The following DLGAP1 variants were observed in gnomAD, a reference collection of about 807,000 sequenced individuals.
DLGAP1 encodes the protein DLG associated protein 1.
A neutral mutation model predicts 90.8 loss-of-function variants in DLGAP1; 11 were observed. The ratio of observed to expected loss-of-function variants is 0.12; its 90% CI spans 0.08 to 0.20. DLGAP1 has a LOEUF of 0.20. DLGAP1 is among the 10% of genes least tolerant of loss of function. DLGAP1 has a pLI of 1.00. For missense variants in DLGAP1, 1,050 were observed against 1,333.8 expected (o/e 0.79, Z 3.31); for synonymous variants, 558 against 540.7 (o/e 1.03, Z -0.44).
rs186297167 is a variant in DLGAP1, at chr18:3,678,939, A to G, written c.1591+50196T>C. ...ATTCTTAGCTCACAGAGGATAGTGA[A>G]TGAAGAGGAACAGCTATAACTATCA... On this transcript the variant is annotated intron_variant, in intron 7 of 12. Coordinates refer to ENST00000315677, the MANE Select transcript of DLGAP1 (RefSeq NM_004746.4). 3.9e-5 allele frequency among the ~76,000 whole-genome samples: 6 copies of G among 152,362 alleles called. No individual in the cohort carries two copies. In the East Asian group the frequency reaches 9.6e-4, roughly 24 times the overall value.
At chr18:4,346,900 T>C (rs755810465) in intron 1 of DLGAP1, among the ~76,000 whole-genome samples, 1 of 152,172 alleles carries the variant, frequency 6.6e-6, no homozygotes, top group African/African-American at 2.4e-5. Context: ...ACAGTAACTC[T>C]ATAAATAAAT....
intron 1 of DLGAP1, among the ~76,000 whole-genome samples, chr18:4,282,282 T>A (rs941381677): frequency 2.0e-5 from 3 of 150,122 alleles, no homozygotes; most frequent in African/African-American, 7.4e-5. Flanking sequence ...GAGAATGGCA[T>A]GAACCTGGGA....
At chr18:3,849,025 G>A (rs917610725) in intron 4 of DLGAP1, among the ~76,000 whole-genome samples, 13 of 152,286 alleles carry the variant, frequency 8.5e-5, no homozygotes, top group African/African-American at 3.1e-4. Context: ...TGGTGATCCA[G>A]CCGTGCTGGA....
rs796066148 is a variant in DLGAP1 at position 3,602,578 on chromosome 18, G to C, written c.1592-20330C>G. Among the ~76,000 whole-genome samples, 11 of 122,494 alleles carry C rather than the reference G, an allele frequency of 9.0e-5. 1 individual carries two copies. In the South Asian group the frequency reaches 3.0e-3, roughly 33 times the overall value. The allele number at this position is 122,494 out of a possible 152,430, so 80.4% of individuals were successfully genotyped here. A position where few individuals can be genotyped will look rare whatever the true frequency, so the allele number is the denominator to read the frequency against. The stretch of plus-strand genomic sequence containing the variant: ...CCACCGCACTCCAGCCTGGGCGACA[G>C]AGCGAGACTCCGTCCAAAAAAAAAA... On this transcript the variant is annotated intron_variant, in intron 7 of 12. Transcript: ENST00000315677.
chr18:4,218,988 C>A (rs952130685), intron 1 of DLGAP1, among the ~76,000 whole-genome samples: 1 of 147,764 alleles, frequency 6.8e-6, no homozygotes, highest in African/African-American at 2.5e-5. Context: ...TAGATATATA[C>A]CAAGTGGAAT....
intron 9 of DLGAP1, among the ~76,000 whole-genome samples, chr18:3,547,087 G>A (rs1040219357): frequency 6.6e-6 from 1 of 152,036 alleles, no homozygotes; most frequent in African/African-American, 2.4e-5. Context: ...GGATCACGAG[G>A]TCAGGAGATC....
chr18:4,068,522 T>C (rs1203121397), intron 2 of DLGAP1, among the ~76,000 whole-genome samples: 1 of 152,128 alleles, frequency 6.6e-6, no homozygotes, highest in East Asian at 1.9e-4. Flanking sequence ...CTGATTTAGA[T>C]GTTTAGATTA....
In DLGAP1 at chr18:3,860,101, A is replaced by AAAATAAATAAAT. The variant is rs61248778; in HGVS notation, c.957+18999_957+19010dup. On this transcript the variant is annotated intron_variant, in intron 4 of 12. Coordinates refer to ENST00000315677, the MANE Select transcript of DLGAP1 (RefSeq NM_004746.4). ...GCGACAGAGCGAGACTCTGTCTCAA[A>AAAATAAATAAAT]AAATAAATAAATAAATAAATTTGCA... is the stretch of plus-strand genomic sequence containing the variant. Among the ~76,000 whole-genome samples, 432 of 144,394 alleles carry AAAATAAATAAAT rather than the reference A, an allele frequency of 3.0e-3. 6 individuals are homozygous for AAAATAAATAAAT. The highest frequency in any genetic ancestry group is 5.1e-3 in the Non-Finnish European group (333 of 65,432). 94.7% of individuals were successfully genotyped at this position (144,394 alleles called of 152,430 possible). A position where few individuals can be genotyped will look rare whatever the true frequency, so the allele number is the denominator to read the frequency against.
chr18:4,421,786 G>A (rs1332956737), intron 1 of DLGAP1, among the ~76,000 whole-genome samples: 2 of 152,104 alleles, frequency 1.3e-5, no homozygotes, highest in African/African-American at 4.8e-5. Flanking sequence ...TTGGCTCACT[G>A]CAACCTCCGC....
intron 4 of DLGAP1, chr18:3,845,388 G>A (rs748186783): frequency 3.1e-5 from 45 of 1,435,584 alleles, no homozygotes; most frequent in Non-Finnish European, 4.1e-5. Flanking sequence ...CACAGGACTT[G>A]GGGGTGGGGG....
intron 2 of DLGAP1, among the ~76,000 whole-genome samples, chr18:4,047,326 A>G (rs1413727123): frequency 6.6e-6 from 1 of 152,250 alleles, no homozygotes; most frequent in African/African-American, 2.4e-5. Context: ...CTTATTATGC[A>G]AAACATATTT....
intron 1 of DLGAP1, among the ~76,000 whole-genome samples, chr18:4,165,521 CAAAAGA>C (rs1027676457): frequency 2.0e-5 from 3 of 151,860 alleles, no homozygotes; most frequent in Middle Eastern, 3.4e-3. Context: ...AATCTAGAAG[CAAAAGA>C]AAAACAGGAA....
intron 7 of DLGAP1, among the ~76,000 whole-genome samples, chr18:3,710,962 G>C (rs2061580800): frequency 6.6e-6 from 1 of 152,216 alleles, no homozygotes; most frequent in African/African-American, 2.4e-5. Context: ...AGGTGTTCCT[G>C]AGAAGGTGGC....
chr18:3,890,610 T>G (rs2071434873), intron 3 of DLGAP1, among the ~76,000 whole-genome samples: 1 of 152,246 alleles, frequency 6.6e-6, no homozygotes, highest in Admixed American at 6.5e-5. Context: ...CTACCCCCAG[T>G]CTTAAATTTT....
intron 4 of DLGAP1, among the ~76,000 whole-genome samples, chr18:3,848,643 T>C (rs1222458125): frequency 6.6e-6 from 1 of 152,152 alleles, no homozygotes; most frequent in Non-Finnish European, 1.5e-5. Context: ...ATGGAACAAC[T>C]GTCTTCTACG....
chr18:4,325,422 TG>T (rs1248790000), intron 1 of DLGAP1, among the ~76,000 whole-genome samples: 1 of 152,150 alleles, frequency 6.6e-6, no homozygotes, highest in Non-Finnish European at 1.5e-5. Context: ...ATCATCAAAA[TG>T]GCCATATGGC....
chr18:4,156,700 A>C (rs2076762177), intron 1 of DLGAP1, among the ~76,000 whole-genome samples: 1 of 152,212 alleles, frequency 6.6e-6, no homozygotes, highest in African/African-American at 2.4e-5. Flanking sequence ...AACTGAACAG[A>C]TATGAATCTA....
At chr18:3,765,261 G>T (rs2064177075) in intron 5 of DLGAP1, among the ~76,000 whole-genome samples, 2 of 150,672 alleles carry the variant, frequency 1.3e-5, no homozygotes, top group Admixed American at 1.3e-4. Flanking sequence ...CTCCCGAGTA[G>T]CTGGAACTAC....
At chr18:3,507,312 C>T (rs574181128) in intron 11 of DLGAP1, among the ~76,000 whole-genome samples, 1 of 118,578 alleles carries the variant, frequency 8.4e-6, no homozygotes, top group African/African-American at 2.8e-5. Flanking sequence ...CATGAAAACC[C>T]GTCTCTACTA....
Sources: gnomAD v4.1 joint callset for allele counts (sites outside exome capture counted in the v4.1 genomes callset) on GRCh38, gnomAD v4.1.1 for gene constraint, MANE v1.5 for transcripts, NCBI Gene and HGNC (gene_info 2026-07-23, HGNC 2026-07-21) for gene names.